The following PHF21B variants were observed in gnomAD, a reference collection of about 807,000 sequenced individuals.
PHF21B encodes PHD finger protein 21B, also known as PHD finger protein 4.
In PHF21B, 22 loss-of-function variants were observed where a neutral mutation model predicts 62.2. That is an observed-to-expected ratio of 0.35 (90% confidence interval 0.25 to 0.51). The LOEUF (loss-of-function observed/expected upper bound fraction) is 0.51, where lower values mean the gene tolerates loss of function less well. Ranked by LOEUF, PHF21B falls within the 20% of genes least tolerant of loss-of-function variation. PHF21B has a pLI of 0.97. For missense variants in PHF21B, 701 were observed against 707.9 expected (o/e 0.99, Z 0.11); for synonymous variants, 341 against 314.7 (o/e 1.08, Z -0.88).
intron 2 of PHF21B, among the ~76,000 whole-genome samples, chr22:44,949,320 A>AG (rs1312471329): frequency 2.6e-5 from 4 of 151,172 alleles, no homozygotes; most frequent in African/African-American, 9.7e-5. Context: ...GAAAAAAAAA[A>AG]AAAAAGAAAA....
chr22:44,902,706 C>T (rs1269975796), intron 5 of PHF21B, among the ~76,000 whole-genome samples: 1 of 152,036 alleles, frequency 6.6e-6, no homozygotes, highest in African/African-American at 2.4e-5. Context: ...CTTCTTAGTG[C>T]TGATTGTTTC....
At chr22:44,913,567 C>T (rs923773512) in intron 5 of PHF21B, among the ~76,000 whole-genome samples, 1 of 152,250 alleles carries the variant, frequency 6.6e-6, no homozygotes, top group Non-Finnish European at 1.5e-5. Flanking sequence ...GTGCAGGACC[C>T]ATGCAGAATG....
chr22:44,979,378 C>T lies in PHF21B; in HGVS notation c.120+29167G>A, dbSNP rs1172256987. Among the ~76,000 whole-genome samples, 4 of 152,184 alleles carry T rather than the reference C, an allele frequency of 2.6e-5. No individual in the cohort carries two copies. In the South Asian group the frequency reaches 6.2e-4, roughly 24 times the overall value. On this transcript the variant is annotated intron_variant, in intron 2 of 12. Coordinates refer to ENST00000313237, the MANE Select transcript of PHF21B (RefSeq NM_138415.5). ...GCTGTCGTGGTCTCTGACAGGCACCCGAGGTCGTGCAAGGGCACTCAGGAG... is the reference window on the plus strand; with the variant it reads ...GCTGTCGTGGTCTCTGACAGGCACCTGAGGTCGTGCAAGGGCACTCAGGAG...
chr22:44,939,684 C>T (rs1176302900), intron 2 of PHF21B, among the ~76,000 whole-genome samples: 3 of 152,040 alleles, frequency 2.0e-5, no homozygotes, highest in Non-Finnish European at 4.4e-5. Context: ...GTCACGGCCA[C>T]AGGGGATGGG....
chr22:44,987,971 G>T (rs1487481552), intron 2 of PHF21B, among the ~76,000 whole-genome samples: 1 of 152,212 alleles, frequency 6.6e-6, no homozygotes, highest in Non-Finnish European at 1.5e-5. Context: ...GAGTGGACTT[G>T]CTTTGGAGAT....
intron 2 of PHF21B, among the ~76,000 whole-genome samples, chr22:44,941,839 C>CT: frequency 6.6e-6 from 1 of 152,302 alleles, no homozygotes; most frequent in Non-Finnish European, 1.5e-5. Context: ...GATTCATTCA[C>CT]TAACGCAGCA....
intron 2 of PHF21B, among the ~76,000 whole-genome samples, chr22:44,977,517 A>G (rs933128882): frequency 6.6e-6 from 1 of 151,852 alleles, no homozygotes; most frequent in Non-Finnish European, 1.5e-5. Flanking sequence ...GTGAGATGCG[A>G]TCATACCTCT....
At chr22:44,963,783 G>C (rs996210305) in intron 2 of PHF21B, among the ~76,000 whole-genome samples, 2 of 152,224 alleles carry the variant, frequency 1.3e-5, no homozygotes, top group Non-Finnish European at 2.9e-5. Flanking sequence ...AAAGTTCGGA[G>C]AAGCAGGCCC....
chr22:44,981,525 G>A (rs1436783279), intron 2 of PHF21B, among the ~76,000 whole-genome samples: 1 of 152,236 alleles, frequency 6.6e-6, no homozygotes, highest in African/African-American at 2.4e-5. Flanking sequence ...TCAATGAACA[G>A]GCTAATGATC....
At chr22:44,985,547 A>G (rs1307035333) in intron 2 of PHF21B, among the ~76,000 whole-genome samples, 1 of 150,010 alleles carries the variant, frequency 6.7e-6, no homozygotes, top group Non-Finnish European at 1.5e-5. Flanking sequence ...GCATTGAGCC[A>G]TGATTGCATC....
chr22:44,921,620 G>A (rs963518696), intron 2 of PHF21B, among the ~76,000 whole-genome samples: 5 of 151,562 alleles, frequency 3.3e-5, no homozygotes, highest in Admixed American at 6.6e-5. Context: ...CCCCCGCCTC[G>A]GCCTCCCAAA....
At chr22:44,963,272 G>A (rs905527520) in intron 2 of PHF21B, among the ~76,000 whole-genome samples, 5 of 152,138 alleles carry the variant, frequency 3.3e-5, no homozygotes, top group Admixed American at 6.5e-5. Context: ...GACGGAGGGC[G>A]ACCCGCCACG....
At chr22:44,957,911 T>A (rs1235746150) in intron 2 of PHF21B, among the ~76,000 whole-genome samples, 1 of 151,970 alleles carries the variant, frequency 6.6e-6, no homozygotes, top group Non-Finnish European at 1.5e-5. Context: ...ACATTTTTTT[T>A]TTTTTTTTGA....
chr22:44,973,153 G>A (rs940381035), intron 2 of PHF21B, among the ~76,000 whole-genome samples: 3 of 152,124 alleles, frequency 2.0e-5, no homozygotes, highest in African/African-American at 7.2e-5. Context: ...AGAAGTCCCC[G>A]AGGGGCTGCA....
intron 7 of PHF21B, among the ~76,000 whole-genome samples, chr22:44,892,652 A>C (rs2070987150): frequency 6.6e-6 from 1 of 152,238 alleles, no homozygotes; most frequent in Non-Finnish European, 1.5e-5. Flanking sequence ...CGGAGCTCTA[A>C]GCAAATGGCT....
intron 2 of PHF21B, among the ~76,000 whole-genome samples, chr22:44,988,599 G>A (rs769585017): frequency 3.3e-5 from 5 of 152,218 alleles, no homozygotes; most frequent in Non-Finnish European, 7.3e-5. Context: ...ATTTGTGTCT[G>A]ATGCTTATTA....
At chr22:44,986,083 CTA>C (rs1197844065) in intron 2 of PHF21B, among the ~76,000 whole-genome samples, 4 of 151,328 alleles carry the variant, frequency 2.6e-5, no homozygotes, top group Admixed American at 6.6e-5. Flanking sequence ...ATCACCATCA[CTA>C]TGACAACCAT....
intron 2 of PHF21B, among the ~76,000 whole-genome samples, chr22:44,995,795 C>T (rs1442157704): frequency 1.3e-5 from 2 of 150,350 alleles, no homozygotes; most frequent in Non-Finnish European, 3.0e-5. Context: ...CCCCCGCCCC[C>T]CACCTCCACC....
At chr22:44,897,511 T>C (rs1182768923) in intron 5 of PHF21B, among the ~76,000 whole-genome samples, 1 of 152,150 alleles carries the variant, frequency 6.6e-6, no homozygotes, top group East Asian at 1.9e-4. Context: ...GCCACCACGC[T>C]GTAGGAAGAA....
Sources: gnomAD v4.1 joint callset for allele counts (sites outside exome capture counted in the v4.1 genomes callset) on GRCh38, gnomAD v4.1.1 for gene constraint, MANE v1.5 for transcripts, NCBI Gene and HGNC (gene_info 2026-07-23, HGNC 2026-07-21) for gene names.